Variants in SSPN observed in about 807,000 individuals in gnomAD.
SSPN encodes the protein K-ras oncogene-associated protein.
SSPN carries 15 observed loss-of-function variants against 19.1 expected under a neutral mutation model. That is an observed-to-expected ratio of 0.78 (90% CI 0.52 to 1.21). The LOEUF is 1.21. Among genes scored for constraint, SSPN ranks in the 50% most tolerant of loss-of-function variants. The probability of loss-of-function intolerance (pLI) is 0.00; values close to 1 mark genes in which losing one functional copy is unlikely to be tolerated. For missense variants in SSPN, 291 were observed against 314.0 expected (o/e 0.93, Z 0.55); for synonymous variants, 147 against 140.3 (o/e 1.05, Z -0.34).
intron 1 of SSPN, among the ~76,000 whole-genome samples, chr12:26,183,747 C>T (rs1281854480): frequency 5.9e-5 from 9 of 152,276 alleles, no homozygotes; most frequent in Admixed American, 3.3e-4. Flanking sequence ...CAGGGAATGC[C>T]GCAAGTTGCT....
chr12:26,158,363 T>C (rs1944567864), intron 1 of SSPN, among the ~76,000 whole-genome samples: 1 of 152,168 alleles, frequency 6.6e-6, no homozygotes, highest in South Asian at 2.1e-4. Flanking sequence ...CTTCCCACTA[T>C]GGGCATTTCC....
chr12:26,195,995 GA>G (rs1299607026), intron 1 of SSPN, 44 bp downstream of exon 1: 5 of 1,408,628 alleles, frequency 3.5e-6, no homozygotes, highest in African/African-American at 1.5e-5. Flanking sequence ...TGCCAAACAG[GA>G]ATGCGAAGTC....
chr12:26,195,911 C>T lies in SSPN; in HGVS notation c.239C>T (p.Ser80Phe), dbSNP rs890163698. ...TTCCTCATGGCGAGCATCAGCTCCT[C>T]CCTGCTAGTCAGGGACACTCCATTT... Reference protein sequence around the residue: ...VGFLMASISSSLLVRDTPFWA... With the variant: ...VGFLMASISSFLLVRDTPFWA... Residue 80 changes from serine to phenylalanine, a missense_variant, in exon 1 of 3, where the codon TCC (serine) becomes TTC (phenylalanine). Ser to Phe is a radical substitution (Grantham distance 155). Around this residue, in one of 3 missense-constraint regions of SSPN, gnomAD observed 139 missense variants for 119.6 expected, o/e 1.16. Coordinates refer to ENST00000242729, the MANE Select transcript of SSPN (RefSeq NM_005086.5). 6.4e-7 allele frequency: 1 copy of T among 1,574,290 alleles called. No homozygotes were observed. The highest frequency in any genetic ancestry group is 1.2e-5 in the South Asian group (1 of 85,106).
At chr12:26,147,853 C>T (rs1944502044) in intron 1 of SSPN, among the ~76,000 whole-genome samples, 1 of 152,090 alleles carries the variant, frequency 6.6e-6, no homozygotes, top group Admixed American at 6.6e-5. Flanking sequence ...CAGCAAGGCT[C>T]TCAAAATACA....
chr12:26,230,787 C>T lies in SSPN; in HGVS notation c.443C>T (p.Ser148Leu), dbSNP rs532345182. ...GTGGCCTTTGCCGCCCACCACTATT[C>T]GCAGCTCACACAGTTTACCTGTGAG... ...LAVAFAAHHY[S>L]QLTQFTCETT... The change falls in exon 3 of 3, where the codon TCG becomes TTG. Residue 148 changes from serine (S) to leucine (L), a missense_variant. Coordinates refer to ENST00000242729, the MANE Select transcript of SSPN (RefSeq NM_005086.5). 4.0e-5 allele frequency: 65 copies of T among 1,614,216 alleles called. 2 individuals carry two copies. In the South Asian group the frequency reaches 6.4e-4, roughly 16 times the overall value.
chr12:26,168,301 TA>T (rs1453493324), intron 1 of SSPN, among the ~76,000 whole-genome samples: 1 of 151,162 alleles, frequency 6.6e-6, no homozygotes, highest in Non-Finnish European at 1.5e-5. Context: ...GGAAGGGCAC[TA>T]AGAAATTGTT....
At chr12:26,153,691 T>C (rs900075747) in intron 1 of SSPN, among the ~76,000 whole-genome samples, 3 of 152,236 alleles carry the variant, frequency 2.0e-5, no homozygotes, top group African/African-American at 7.2e-5. Context: ...ACCGTTTTTG[T>C]AGGTGGTGGA....
intron 1 of SSPN, among the ~76,000 whole-genome samples, chr12:26,128,596 C>T (rs188213268): frequency 4.6e-5 from 7 of 152,200 alleles, no homozygotes; most frequent in Admixed American, 1.3e-4. Context: ...AAAAAAAGTA[C>T]GCTAACAAAG....
intron 1 of SSPN, among the ~76,000 whole-genome samples, chr12:26,171,397 C>G (rs967837035): frequency 2.0e-5 from 3 of 152,134 alleles, no homozygotes; most frequent in Non-Finnish European, 2.9e-5. Flanking sequence ...TTTGGTGACC[C>G]CTGGAGGTCC....
chr12:26,145,334 C>T (rs755763585), intron 1 of SSPN, among the ~76,000 whole-genome samples: 12 of 152,136 alleles, frequency 7.9e-5, no homozygotes, highest in South Asian at 4.1e-4. Context: ...AACGACTCTG[C>T]GCAGCTCCTC....
At chr12:26,124,775 T>C (rs1353950614) in intron 1 of SSPN, 1 of 1,614,212 alleles carries the variant, frequency 6.2e-7, no homozygotes, top group Admixed American at 1.7e-5. Flanking sequence ...AATTCCTTCG[T>C]CCATGTTCAA....
chr12:26,129,060 T>A (rs1944382597), intron 1 of SSPN, among the ~76,000 whole-genome samples: 4 of 152,184 alleles, frequency 2.6e-5, no homozygotes, highest in Admixed American at 2.0e-4. Context: ...TCTTTAGGGT[T>A]CTGCAAGCCC....
chr12:26,179,650 T>C (rs1192575776), intron 1 of SSPN, among the ~76,000 whole-genome samples: 1 of 152,182 alleles, frequency 6.6e-6, no homozygotes, highest in Non-Finnish European at 1.5e-5. Context: ...GAAATCTCTA[T>C]TTTACTGTCC....
intron 1 of SSPN, among the ~76,000 whole-genome samples, chr12:26,205,407 A>G (rs1944922829): frequency 6.6e-6 from 1 of 152,164 alleles, no homozygotes; most frequent in African/African-American, 2.4e-5. Flanking sequence ...TTGACGAGCG[A>G]GAGAATTTTA....
intron 1 of SSPN, among the ~76,000 whole-genome samples, chr12:26,156,280 G>A (rs2137420016): frequency 6.6e-6 from 1 of 152,318 alleles, no homozygotes; most frequent in Admixed American, 6.5e-5. Flanking sequence ...ACCAGAGCCA[G>A]GATTAGAACC....
chr12:26,199,325 C>T (rs1194831527), intron 1 of SSPN, among the ~76,000 whole-genome samples: 4 of 152,058 alleles, frequency 2.6e-5, no homozygotes, highest in Non-Finnish European at 5.9e-5. Context: ...GACTCCAATC[C>T]CCAATCAAAA....
chr12:26,195,806 G>A lies in SSPN; in HGVS notation c.134G>A (p.Arg45Gln), dbSNP rs772937413. The A allele has an allele frequency of 3.9e-6, 6 of 1,535,004 alleles. No homozygotes were observed. The African/African-American group carries it at 4.2e-5, about 11-fold the overall frequency. ...AAGGAGTGCGGGGAGGAGGAGCCCCGGACCTGCTGCGGCTGCCGGTTCCCG... is the reference window on the plus strand; with the variant it reads ...AAGGAGTGCGGGGAGGAGGAGCCCCAGACCTGCTGCGGCTGCCGGTTCCCG... ...APKECGEEEP[R>Q]TCCGCRFPLL... Residue 45 changes from arginine (R) to glutamine (Q), a missense_variant, in exon 1 of 3, where the codon CGG becomes CAG. Physicochemically the swap from Arg to Gln is conservative, Grantham distance 43. This residue lies in a region of SSPN where 139 missense variants were observed against 119.6 expected (regional missense o/e 1.16). Transcript: ENST00000242729.
At chr12:26,229,323 A>G (rs144300771) in intron 2 of SSPN, among the ~76,000 whole-genome samples, 10 of 152,338 alleles carry the variant, frequency 6.6e-5, no homozygotes, top group African/African-American at 2.2e-4. Context: ...GGATTCCCTT[A>G]CAGGCAAACC....
exon 1 of SSPN, chr12:26,122,093 G>A (rs1276250683): frequency 3.9e-6 from 6 of 1,549,812 alleles, no homozygotes; most frequent in East Asian, 2.4e-5. Flanking sequence ...CTGGCTGCGA[G>A]GGATCTTCCT....
Sources: gnomAD v4.1 joint callset for allele counts (sites outside exome capture counted in the v4.1 genomes callset) on GRCh38, gnomAD v4.1.1 for gene constraint, gnomAD v4.1.1 regional missense constraint, MANE v1.5 for transcripts, NCBI Gene and HGNC (gene_info 2026-07-23, HGNC 2026-07-21) for gene names.